Variants in NELL1 observed in about 807,000 individuals in gnomAD.
The protein encoded by NELL1 is neural EGFL like 1, also known as protein kinase C-binding protein NELL1.
In NELL1, 76 loss-of-function variants were observed where a neutral mutation model predicts 107.4. The ratio of observed to expected loss-of-function variants is 0.71; its 90% CI spans 0.59 to 0.86. The LOEUF (loss-of-function observed/expected upper bound fraction) is 0.86, where lower values mean the gene tolerates loss of function less well. Among genes scored for constraint, NELL1 ranks in the 40% least tolerant of loss-of-function variants. NELL1 has a pLI of 0.00. For missense variants in NELL1, 1,024 were observed against 1,005.5 expected (o/e 1.02, Z -0.25); for synonymous variants, 353 against 341.2 (o/e 1.03, Z -0.38).
At chr11:21,135,683 A>T (rs1008799166) in intron 13 of NELL1, among the ~76,000 whole-genome samples, 2 of 152,246 alleles carry the variant, frequency 1.3e-5, no homozygotes, top group African/African-American at 4.8e-5. Context: ...TAATGGAATT[A>T]TAGCATATAG....
intron 14 of NELL1, among the ~76,000 whole-genome samples, chr11:21,343,073 G>GT (rs1850610258): frequency 6.6e-6 from 1 of 151,940 alleles, no homozygotes. Flanking sequence ...ACAGCTTTTG[G>GT]TTTTGTCTCT....
intron 15 of NELL1, among the ~76,000 whole-genome samples, chr11:21,410,767 G>A (rs1399502196): frequency 6.6e-6 from 1 of 152,070 alleles, no homozygotes; most frequent in Non-Finnish European, 1.5e-5. Context: ...CTGCCATGAA[G>A]TCTCTGTGGT....
intron 14 of NELL1, among the ~76,000 whole-genome samples, chr11:21,256,982 T>G (rs1858786291): frequency 6.6e-6 from 1 of 152,002 alleles, no homozygotes; most frequent in Admixed American, 6.6e-5. Flanking sequence ...GACCCAAATT[T>G]ATCTCACTCA....
intron 2 of NELL1, among the ~76,000 whole-genome samples, chr11:20,739,886 C>T (rs1295876960): frequency 6.6e-6 from 1 of 152,096 alleles, no homozygotes; most frequent in African/African-American, 2.4e-5. Flanking sequence ...AGACATGCAA[C>T]AAAACAAAGA....
At chr11:21,105,054 A>G (rs1854915446) in intron 12 of NELL1, among the ~76,000 whole-genome samples, 4 of 152,104 alleles carry the variant, frequency 2.6e-5, no homozygotes, top group South Asian at 2.1e-4. Context: ...GCTTCCACAT[A>G]TGAATTTGGG....
chr11:20,880,554 G>A (rs141440706), intron 4 of NELL1, among the ~76,000 whole-genome samples: 1 of 152,294 alleles, frequency 6.6e-6, no homozygotes, highest in East Asian at 1.9e-4. Flanking sequence ...CCAAATTTAT[G>A]TTGTTTTTGC....
intron 13 of NELL1, among the ~76,000 whole-genome samples, chr11:21,128,764 G>T (rs1047615235): frequency 1.3e-5 from 2 of 152,154 alleles, no homozygotes; most frequent in African/African-American, 4.8e-5. Context: ...CGGCCACCCA[G>T]GCTGAGTGGT....
chr11:20,994,764 G>A (rs1394641374), intron 12 of NELL1, among the ~76,000 whole-genome samples: 1 of 152,106 alleles, frequency 6.6e-6, no homozygotes, highest in African/African-American at 2.4e-5. Flanking sequence ...TTGTCCCCTG[G>A]AGTTACTCTA....
intron 2 of NELL1, among the ~76,000 whole-genome samples, chr11:20,736,744 C>G (rs1054705527): frequency 1.1e-4 from 16 of 151,560 alleles, no homozygotes; most frequent in African/African-American, 3.6e-4. Flanking sequence ...CTCCCCTCCC[C>G]CTCCCTTCCT....
chr11:21,536,312 A>G (rs1856136270), intron 16 of NELL1, among the ~76,000 whole-genome samples: 1 of 152,114 alleles, frequency 6.6e-6, no homozygotes, highest in Non-Finnish European at 1.5e-5. Flanking sequence ...CTTTGTGTCT[A>G]TGTGTATTCA....
chr11:21,044,251 T>C (rs1853304802), intron 12 of NELL1, among the ~76,000 whole-genome samples: 1 of 152,176 alleles, frequency 6.6e-6, no homozygotes, highest in African/African-American at 2.4e-5. Flanking sequence ...TTCTGTCAAA[T>C]GCTGCTGAGA....
chr11:21,275,262 C>A (rs1365678515), intron 14 of NELL1, among the ~76,000 whole-genome samples: 5 of 152,130 alleles, frequency 3.3e-5, no homozygotes, highest in African/African-American at 4.8e-5. Context: ...TCAGAGAATG[C>A]TATAAACACC....
At chr11:21,497,380 C>T (rs1347660627) in intron 15 of NELL1, among the ~76,000 whole-genome samples, 1 of 151,970 alleles carries the variant, frequency 6.6e-6, no homozygotes, top group East Asian at 1.9e-4. Flanking sequence ...TGGTCATATC[C>T]CAGTTTTTGT....
intron 12 of NELL1, chr11:21,001,038 T>C (rs1373163972): frequency 6.6e-6 from 1 of 152,182 alleles, no homozygotes; most frequent in Non-Finnish European, 1.5e-5. Flanking sequence ...TTTCTTAAAC[T>C]AAAGTGTGAT....
intron 12 of NELL1, among the ~76,000 whole-genome samples, chr11:21,010,336 T>C (rs1565013191): frequency 6.6e-6 from 1 of 152,036 alleles, no homozygotes; most frequent in Non-Finnish European, 1.5e-5. Context: ...TCTCTTATAG[T>C]GAGGATTCAG....
chr11:21,563,875 G>C (rs573670861), intron 17 of NELL1, among the ~76,000 whole-genome samples: 1 of 152,000 alleles, frequency 6.6e-6, no homozygotes. Flanking sequence ...AAGTAGAGAT[G>C]TAGGGGAAGG....
intron 12 of NELL1, among the ~76,000 whole-genome samples, chr11:21,050,512 T>C (rs1173371897): frequency 6.6e-6 from 1 of 152,140 alleles, no homozygotes; most frequent in East Asian, 1.9e-4. Flanking sequence ...AAATATACAG[T>C]GTTATCTGAC....
intron 15 of NELL1, among the ~76,000 whole-genome samples, chr11:21,392,515 T>C (rs1209341127): frequency 2.0e-5 from 3 of 151,844 alleles, no homozygotes; most frequent in Non-Finnish European, 4.4e-5. Flanking sequence ...CTTTATAATT[T>C]GTCTTTAGTA....
intron 2 of NELL1, among the ~76,000 whole-genome samples, chr11:20,709,039 C>A (rs1468893611): frequency 2.0e-5 from 3 of 152,132 alleles, no homozygotes; most frequent in Non-Finnish European, 2.9e-5. Flanking sequence ...TGATAGGTGG[C>A]AGAACTCAGG....
Sources: gnomAD v4.1 joint callset for allele counts (sites outside exome capture counted in the v4.1 genomes callset) on GRCh38, gnomAD v4.1.1 for gene constraint, MANE v1.5 for transcripts, NCBI Gene and HGNC (gene_info 2026-07-23, HGNC 2026-07-21) for gene names.